LTA4H: variants seen among roughly 807,000 people sequenced by gnomAD.
LTA4H encodes the protein leukotriene A-4 hydrolase.
In LTA4H, 59 loss-of-function variants were observed where a neutral mutation model predicts 89.8. The ratio of observed to expected loss-of-function variants is 0.66; its 90% CI spans 0.53 to 0.82. The LOEUF is 0.82. Ranked by LOEUF, LTA4H falls within the 40% of genes least tolerant of loss-of-function variation. The pLI, the probability that LTA4H is intolerant of heterozygous loss-of-function variation, is 0.00. For synonymous variants in LTA4H, 227 were observed against 253.1 expected (o/e 0.90, Z 0.98); for missense variants, 617 against 727.0 (o/e 0.85, Z 1.74).
intron 1 of LTA4H, 75 bp downstream of exon 1, chr12:96,035,286 G>T: frequency 6.9e-7 from 1 of 1,454,528 alleles, no homozygotes; most frequent in South Asian, 1.3e-5. Flanking sequence ...CCGGAGATCC[G>T]GGAGCCCGCA....
intron 3 of LTA4H, among the ~76,000 whole-genome samples, chr12:96,025,803 G>A (rs1434626671): frequency 6.6e-6 from 1 of 150,604 alleles, no homozygotes; most frequent in Non-Finnish European, 1.5e-5. Context: ...CTACAGCCTG[G>A]GCAACACAGC....
intron 5 of LTA4H, 121 bp from the exon 6 acceptor site, chr12:96,021,258 G>T: frequency 1.6e-6 from 1 of 640,002 alleles, no homozygotes; most frequent in South Asian, 2.8e-5. Flanking sequence ...ATATTAGTAG[G>T]GATAACTTTG....
chr12:96,019,025 TA>T, intron 7 of LTA4H, 122 bp from the exon 8 acceptor site: 1 of 1,203,722 alleles, frequency 8.3e-7, no homozygotes. Flanking sequence ...ATGAAAATGA[TA>T]AAAAGAATGT....
chr12:96,035,688 G>A, upstream of LTA4H: 1 of 1,412,872 alleles, frequency 7.1e-7, no homozygotes, highest in South Asian at 1.6e-5. Context: ...TGGGGGATGG[G>A]TGAAGGAACT....
At chr12:96,035,706 C>T (rs1026080148), upstream of LTA4H, 1 of 1,380,646 alleles carries the variant, frequency 7.2e-7, no homozygotes, top group Non-Finnish European at 9.4e-7. Context: ...ACTACAAGTT[C>T]CATGGTGCCG....
intron 15 of LTA4H, 151 bp downstream of exon 15, chr12:96,008,943 A>G (rs1016732305): frequency 7.5e-6 from 5 of 663,894 alleles, no homozygotes; most frequent in Admixed American, 5.2e-5. Flanking sequence ...CTATATTGAG[A>G]GTAGATATAA....
At chr12:96,040,515 G>A (rs1950679503), upstream of LTA4H, among the ~76,000 whole-genome samples, 1 of 152,204 alleles carries the variant, frequency 6.6e-6, no homozygotes, top group African/African-American at 2.4e-5. Context: ...TGACTCCCAG[G>A]AAGTGTCCTT....
intron 1 of LTA4H, among the ~76,000 whole-genome samples, chr12:96,041,981 T>G (rs1950690772): frequency 8.7e-6 from 1 of 114,508 alleles, no homozygotes; most frequent in Non-Finnish European, 1.7e-5. Flanking sequence ...TTTTTGTTTT[T>G]TTTTCTTTTT....
chr12:96,008,209 A>C (rs1950235473), intron 15 of LTA4H, among the ~76,000 whole-genome samples: 1 of 152,188 alleles, frequency 6.6e-6, no homozygotes, highest in African/African-American at 2.4e-5. Context: ...AAATTACGTA[A>C]AAAAATGATA....
chr12:96,024,967 CT>C lies in LTA4H; in HGVS notation c.412-421del, dbSNP rs548255835. On this transcript the variant is annotated intron_variant, in intron 3 of 18. Coordinates refer to ENST00000228740, the MANE Select transcript of LTA4H (RefSeq NM_000895.3). ...ACAGGCGTGAGCCACCACGCCTGGC[CT>C]TTTGGGATCTTTTAAAGTCCAAAAA... Among the ~76,000 whole-genome samples the C allele has an allele frequency of 8.2e-3, 1,249 of 152,278 alleles. 4 individuals carry two copies. Among genetic ancestry groups the C allele is most frequent in the Non-Finnish European group, 0.013 (879 of 68,026 alleles).
At chr12:96,041,681 G>T (rs538857001) in intron 1 of LTA4H, among the ~76,000 whole-genome samples, 1 of 151,980 alleles carries the variant, frequency 6.6e-6, no homozygotes, top group African/African-American at 2.4e-5. Flanking sequence ...TCTCTGTGTC[G>T]CCCAGGCCGG....
chr12:96,003,947 G>C, intron 16 of LTA4H, 27 bp from the exon 17 acceptor site: 5 of 1,414,406 alleles, frequency 3.5e-6, no homozygotes, highest in Non-Finnish European at 3.9e-6. Flanking sequence ...GAAGTATACC[G>C]TATCATTTCA....
intron 1 of LTA4H, among the ~76,000 whole-genome samples, chr12:96,032,435 A>C (rs1305131951): frequency 6.6e-6 from 1 of 152,226 alleles, no homozygotes; most frequent in Non-Finnish European, 1.5e-5. Context: ...AATTGAAATC[A>C]TCCATTAATC....
At chr12:96,016,208 G>A (rs1950371437) in intron 10 of LTA4H, among the ~76,000 whole-genome samples, 1 of 151,322 alleles carries the variant, frequency 6.6e-6, no homozygotes, top group Admixed American at 6.6e-5. Flanking sequence ...CAGATACTCG[G>A]GAGGCTAAGG....
chr12:96,008,644 C>T (rs1950246205), intron 15 of LTA4H, among the ~76,000 whole-genome samples: 1 of 152,056 alleles, frequency 6.6e-6, no homozygotes, highest in South Asian at 2.1e-4. Context: ...AGGCTGGGCA[C>T]AGTGGCTCAT....
intron 14 of LTA4H, 62 bp downstream of exon 14, chr12:96,013,126 A>G (rs771492431): frequency 1.6e-6 from 2 of 1,268,090 alleles, no homozygotes; most frequent in Non-Finnish European, 2.3e-6. Flanking sequence ...TCTTTCAGAT[A>G]TTTTGAGGCT....
At position 96,029,047 on chromosome 12, in the gene LTA4H, A is replaced by C; in HGVS notation, c.290+8T>G. 2 of 1,567,070 alleles carry C rather than the reference A, an allele frequency of 1.3e-6. No individual in the cohort carries two copies. The highest frequency in any genetic ancestry group is 1.7e-6 in the Non-Finnish European group (2 of 1,161,290). On this transcript the variant is annotated splice_region_variant and intron_variant, in intron 2 of 18. Transcript: ENST00000228740. ...AGCTGTAAAAGAGAAAGATCATAAC[A>C]TTCATACTTGCTCAAAGCGATAGGA...
In LTA4H at chr12:96,035,302, T is replaced by A. The variant is rs1373961699; in HGVS notation, c.159+59A>T. The A allele has an allele frequency of 3.2e-6, 5 of 1,540,398 alleles. No individual in the cohort carries two copies. The African/African-American group carries it at 6.8e-5, about 21-fold the overall frequency. The stretch of plus-strand genomic sequence containing the variant: ...CGGAGATCCGGGAGCCCGCAAGGAC[T>A]AGGGTCGAGGGGCAGGGAGCCCGGG... On this transcript the variant is annotated intron_variant, in intron 1 of 18. Coordinates refer to ENST00000228740, the MANE Select transcript of LTA4H (RefSeq NM_000895.3).
chr12:96,003,229 T>C (rs1332089261), intron 17 of LTA4H, among the ~76,000 whole-genome samples, 165 bp from the exon 18 acceptor site: 1 of 152,222 alleles, frequency 6.6e-6, no homozygotes, highest in Non-Finnish European at 1.5e-5. Flanking sequence ...CAAATCCTTA[T>C]ATATACAATT....
Sources: gnomAD v4.1 joint callset for allele counts (sites outside exome capture counted in the v4.1 genomes callset) on GRCh38, gnomAD v4.1.1 for gene constraint, MANE v1.5 for transcripts, NCBI Gene and HGNC (gene_info 2026-07-23, HGNC 2026-07-21) for gene names.